PRXL2A: variants seen among roughly 807,000 people sequenced by gnomAD.
PRXL2A encodes peroxiredoxin-like 2A.
PRXL2A carries 26 observed loss-of-function variants against 25.6 expected under a neutral mutation model. The ratio of observed to expected loss-of-function variants is 1.02; its 90% CI spans 0.74 to 1.41. The LOEUF is 1.41. Ranked by LOEUF, PRXL2A falls within the 40% of genes most tolerant of loss-of-function variation. The pLI is 0.00. For synonymous variants in PRXL2A, 98 were observed against 102.9 expected, an observed-to-expected ratio of 0.95 and a Z score of 0.29; for missense variants, 246 against 273.9, an observed-to-expected ratio of 0.90 and a Z score of 0.72.
rs1845421806 is a variant in PRXL2A, at chr10:80,437,080, T to C, written c.*4981T>C. 1.3e-5 allele frequency: 2 copies of C among 152,272 alleles called. No individual in the cohort carries two copies. Among genetic ancestry groups the C allele is most frequent in the African/African-American group, 4.8e-5 (2 of 41,470 alleles). 9.4% of individuals were successfully genotyped at this position (152,272 alleles called of 1,614,324 possible). ...CATTCTGAGGGCTCACATACAATTA[T>C]GATCAAATAAATTTGTTTGCTTTTT... On this transcript the variant is annotated 3_prime_UTR_variant, in exon 6 of 6. Transcript: ENST00000606162.
chr10:80,421,052 C>G (rs1173028822), intron 2 of PRXL2A, among the ~76,000 whole-genome samples: 1 of 152,204 alleles, frequency 6.6e-6, no homozygotes. Context: ...GATCGTCAAA[C>G]TAAAAGGAGT....
rs1845330201 is a variant in PRXL2A at position 80,433,559 on chromosome 10, ATT to A, written c.*1461_*1462del. ...GCTGGGAAAGTAGGAGAGCATCGGG[ATT>A]GAGTATGCAGAGTGAGTTAGGGTTG... is the stretch of plus-strand genomic sequence containing the variant. On this transcript the variant is annotated 3_prime_UTR_variant, in exon 6 of 6. Transcript: ENST00000606162. The A allele has an allele frequency of 4.6e-5, 7 of 152,320 alleles. No homozygotes were observed. Among genetic ancestry groups the A allele is most frequent in the Admixed American group, 3.3e-4 (5 of 15,272 alleles). 9.4% of individuals were successfully genotyped at this position (152,320 alleles called of 1,614,324 possible).
chr10:80,409,094 C>T (rs1277377375), intron 1 of PRXL2A: 6 of 985,124 alleles, frequency 6.1e-6, no homozygotes, highest in Non-Finnish European at 6.0e-6. Flanking sequence ...TCCTCGTCCT[C>T]GTCTCTGTGC....
Position 80,420,454 on chromosome 10 carries a change from C to G in PRXL2A, c.-2-12C>G. The G allele has an allele frequency of 2.6e-6, 4 of 1,561,176 alleles. No homozygotes were observed. In the South Asian group the frequency reaches 4.8e-5, roughly 19 times the overall value. On this transcript the variant is annotated splice_polypyrimidine_tract_variant and intron_variant, in intron 1 of 5. Coordinates refer to ENST00000606162, the MANE Select transcript of PRXL2A (RefSeq NM_032333.5). ...GAGCAGTAACGCCTTCTTCCTTCTT[C>G]TCAATCTCCAGAAATGTCTTTCCTC...
intron 1 of PRXL2A, chr10:80,409,147 TTG>T: frequency 1.1e-6 from 1 of 892,530 alleles, no homozygotes; most frequent in Non-Finnish European, 1.3e-6. Flanking sequence ...GTTTCTAGCG[TTG>T]TTCAGCGTTT....
chr10:80,429,821 G>A (rs780812667), intron 5 of PRXL2A, among the ~76,000 whole-genome samples: 12 of 152,216 alleles, frequency 7.9e-5, no homozygotes, highest in East Asian at 7.7e-4. Flanking sequence ...TCCCCTACCC[G>A]CCTCTGCCTT....
chr10:80,433,026 C>T lies in PRXL2A; in HGVS notation c.*927C>T, dbSNP rs1427204132. ...GTATGTATAAGATTTTCTGATAAAA[C>T]TAATAATTATATTTACCATATAATT... On this transcript the variant is annotated 3_prime_UTR_variant, in exon 6 of 6. Coordinates refer to ENST00000606162, the MANE Select transcript of PRXL2A (RefSeq NM_032333.5). 1.3e-5 allele frequency: 2 copies of T among 152,136 alleles called. No homozygotes were observed. The highest frequency in any genetic ancestry group is 2.9e-5 in the Non-Finnish European group (2 of 68,040). 9.4% of individuals were successfully genotyped at this position (152,136 alleles called of 1,614,324 possible). A position where few individuals can be genotyped will look rare whatever the true frequency, so the allele number is the denominator to read the frequency against.
intron 5 of PRXL2A, among the ~76,000 whole-genome samples, chr10:80,430,637 C>A (rs1258249714): frequency 6.6e-6 from 1 of 152,028 alleles, no homozygotes; most frequent in African/African-American, 2.4e-5. Context: ...CAGAGCAAGA[C>A]CCTGTCTGTA....
rs1432832077 is a variant in PRXL2A, at chr10:80,433,743, T to G, written c.*1644T>G. 1 of 152,254 alleles carries G rather than the reference T, an allele frequency of 6.6e-6. No homozygotes were observed. Among genetic ancestry groups the G allele is most frequent in the Non-Finnish European group, 1.5e-5 (1 of 68,056 alleles). 9.4% of individuals were successfully genotyped at this position (152,254 alleles called of 1,614,324 possible). A position where few individuals can be genotyped will look rare whatever the true frequency, so the allele number is the denominator to read the frequency against. ...TGCACAGGGTTGGTACCTGTCATCC[T>G]TGGGACTCCAGCTACTGATAGGATA... On this transcript the variant is annotated 3_prime_UTR_variant, in exon 6 of 6. Transcript: ENST00000606162.
chr10:80,408,919 G>C (rs1844361910), intron 1 of PRXL2A: 4 of 479,906 alleles, frequency 8.3e-6, no homozygotes. Flanking sequence ...CGGCGCTGCT[G>C]CGGCGGGCTA....
chr10:80,427,097 C>T (rs554507332), intron 4 of PRXL2A, among the ~76,000 whole-genome samples: 3 of 148,364 alleles, frequency 2.0e-5, no homozygotes, highest in South Asian at 4.2e-4. Flanking sequence ...CAGCTGAGAT[C>T]GCGCCGTTGT....
rs1380314102 is a variant in PRXL2A at position 80,420,596 on chromosome 10, A to T, written c.129A>T (p.Lys43Asn). 6.2e-7 allele frequency: 1 copy of T among 1,613,886 alleles called. No homozygotes were observed. Among genetic ancestry groups the T allele is most frequent in the Non-Finnish European group, 8.5e-7 (1 of 1,179,916 alleles). The change falls in exon 2 of 6, where the codon AAA becomes AAT. Residue 43 changes from lysine (K) to asparagine (N), a missense_variant. By Grantham distance (94) the Lys-to-Asn change is moderately conservative. Transcript: ENST00000606162. ...ACGTGTTTCTGTCCAAGCCCCAGAAAGCGGCCCTGGAGTACCTGGAGGATA... is the reference window on the plus strand; with the variant it reads ...ACGTGTTTCTGTCCAAGCCCCAGAATGCGGCCCTGGAGTACCTGGAGGATA... Reference protein sequence around the residue: ...NTDVFLSKPQKAALEYLEDID... With the variant: ...NTDVFLSKPQNAALEYLEDID...
At position 80,432,406 on chromosome 10, in the gene PRXL2A, C is replaced by T. The variant is rs1762205133; in HGVS notation, c.*307C>T. On this transcript the variant is annotated 3_prime_UTR_variant, in exon 6 of 6. Coordinates refer to ENST00000606162, the MANE Select transcript of PRXL2A (RefSeq NM_032333.5). The stretch of plus-strand genomic sequence containing the variant: ...CTGTAATCCCAGCACTTTGGGAGGC[C>T]AAGGTGAGCAAGTCACTTGAGGTCG... The T allele has an allele frequency of 8.9e-6, 2 of 224,036 alleles. No homozygotes were observed. The highest frequency in any genetic ancestry group is 9.3e-5 in the South Asian group (1 of 10,746). 13.9% of individuals were successfully genotyped at this position (224,036 alleles called of 1,614,324 possible). A position where few individuals can be genotyped will look rare whatever the true frequency, so the allele number is the denominator to read the frequency against.
chr10:80,413,100 T>G (rs181817418), intron 1 of PRXL2A, among the ~76,000 whole-genome samples: 1 of 152,084 alleles, frequency 6.6e-6, no homozygotes, highest in East Asian at 1.9e-4. Context: ...TGAAGGCAAA[T>G]GAACAGTAAA....
chr10:80,419,370 C>T (rs1485410876), intron 1 of PRXL2A, among the ~76,000 whole-genome samples: 1 of 144,516 alleles, frequency 6.9e-6, no homozygotes. Flanking sequence ...TGCAATGGCA[C>T]GATCTCGGCT....
intron 1 of PRXL2A, among the ~76,000 whole-genome samples, chr10:80,410,067 A>G (rs902170439): frequency 2.0e-5 from 3 of 152,226 alleles, no homozygotes; most frequent in Non-Finnish European, 2.9e-5. Flanking sequence ...GTGTCATTTA[A>G]ATGGTGCTCA....
chr10:80,427,620 A>C, intron 5 of PRXL2A, 124 bp downstream of exon 5: 1 of 911,140 alleles, frequency 1.1e-6, no homozygotes. Flanking sequence ...CCTTCTAGCA[A>C]GCCAGGGAAC....
chr10:80,414,868 A>T (rs777436895), intron 1 of PRXL2A, among the ~76,000 whole-genome samples: 6 of 152,242 alleles, frequency 3.9e-5, no homozygotes, highest in Non-Finnish European at 7.3e-5. Flanking sequence ...TACCTCTGCA[A>T]TCTTAGAGAC....
intron 1 of PRXL2A, among the ~76,000 whole-genome samples, chr10:80,411,224 G>A (rs73305104): frequency 0.028 from 4,335 of 152,312 alleles, 200 homozygotes; most frequent in African/African-American, 0.099. Flanking sequence ...GGGAAGAGAG[G>A]TGCAGAATGG....
Sources: allele counts gnomAD v4.1 joint callset (sites outside exome capture counted in the v4.1 genomes callset), GRCh38; gene constraint gnomAD v4.1.1; transcripts MANE v1.5; gene names NCBI Gene and HGNC (gene_info 2026-07-23, HGNC 2026-07-21).